The following GABRA3 variants were observed in gnomAD, a reference collection of about 807,000 sequenced individuals.
The protein encoded by GABRA3 is gamma-aminobutyric acid type A receptor subunit alpha3.
GABRA3 carries 10 observed loss-of-function variants against 30.1 expected under a neutral mutation model. The ratio of observed to expected loss-of-function variants is 0.33; its 90% confidence interval spans 0.20 to 0.56. The LOEUF (loss-of-function observed/expected upper bound fraction) is 0.56, where lower values mean the gene tolerates loss of function less well. Ranked by LOEUF, GABRA3 falls within the 20% of genes least tolerant of loss-of-function variation. GABRA3 has a pLI of 0.89. For synonymous variants in GABRA3, 151 were observed against 146.8 expected (o/e 1.03, Z -0.21); for missense variants, 233 against 392.0 (o/e 0.59, Z 3.42).
chrX:152,445,057 T>A, intron 1 of GABRA3, among the ~76,000 whole-genome samples: 1 of 34,580 alleles, frequency 2.9e-5, no homozygotes, highest in African/African-American at 1.9e-4. Flanking sequence ...TGAGACTCCG[T>A]CTCAAAAAAA....
rs1265375038 is a variant in GABRA3, at chrX:152,368,707, T to C, written c.-26-4111A>G. 7.3e-5 allele frequency among the ~76,000 whole-genome samples: 6 copies of C among 81,696 alleles called. No homozygotes were observed. The East Asian group carries it at 1.1e-3, about 15-fold the overall frequency. 70.9% of individuals were successfully genotyped at this position (81,696 alleles called of 115,157 possible). Reference sequence around the variant, plus strand: ...TCTATTTTTAATTTTTTTTCTTTTTTTTTTTTTTTTTTTTTTGAGACAGAG... The same window carrying C: ...TCTATTTTTAATTTTTTTTCTTTTTCTTTTTTTTTTTTTTTTGAGACAGAG... On this transcript the variant is annotated intron_variant, in intron 1 of 9. Coordinates refer to ENST00000370314, the MANE Select transcript of GABRA3 (RefSeq NM_000808.4).
chrX:152,306,134 T>C (rs1033431028), intron 3 of GABRA3, among the ~76,000 whole-genome samples: 3 of 112,187 alleles, frequency 2.7e-5, no homozygotes, highest in African/African-American at 9.7e-5. Flanking sequence ...CTGGTACTAT[T>C]TCACAGCTAT....
At chrX:152,414,914 C>G (rs1052921021) in intron 1 of GABRA3, among the ~76,000 whole-genome samples, 1 of 106,042 alleles carries the variant, frequency 9.4e-6, no homozygotes, top group East Asian at 2.9e-4. Context: ...GTGAAAGAAG[C>G]CAATCAGAAA....
chrX:152,401,133 G>A (rs1436316902), intron 1 of GABRA3, among the ~76,000 whole-genome samples: 1 of 111,057 alleles, frequency 9.0e-6, no homozygotes, highest in Non-Finnish European at 1.9e-5. Context: ...GATATAAAAC[G>A]TGTGTTTTTT....
intron 1 of GABRA3, among the ~76,000 whole-genome samples, chrX:152,422,161 A>T: frequency 9.0e-6 from 1 of 111,687 alleles, no homozygotes; most frequent in Non-Finnish European, 1.9e-5. Context: ...GTCCATCAAC[A>T]GTAGGAGGGA....
chrX:152,390,062 A>T (rs1929435997), intron 1 of GABRA3, among the ~76,000 whole-genome samples: 1 of 111,940 alleles, frequency 8.9e-6, no homozygotes, highest in Non-Finnish European at 1.9e-5. Context: ...ACAACACAGT[A>T]TATATTTAAA....
chrX:152,294,654 C>A (rs1461801299), intron 3 of GABRA3, among the ~76,000 whole-genome samples: 8 of 111,540 alleles, frequency 7.2e-5, no homozygotes, highest in Non-Finnish European at 1.5e-4. Flanking sequence ...CATTCTCCAT[C>A]CAGCTTTGTT....
At chrX:152,418,190 T>C (rs1930283821) in intron 1 of GABRA3, among the ~76,000 whole-genome samples, 1 of 111,196 alleles carries the variant, frequency 9.0e-6, no homozygotes, top group African/African-American at 3.3e-5. Flanking sequence ...AAACTTAACC[T>C]AAATGACATA....
chrX:152,443,154 A>T (rs10482215), intron 1 of GABRA3, among the ~76,000 whole-genome samples: 20,871 of 111,234 alleles, frequency 0.19, 1,478 homozygotes, highest in East Asian at 0.38. Flanking sequence ...ATACAAATTT[A>T]AAAAAATGTA....
intron 4 of GABRA3, among the ~76,000 whole-genome samples, chrX:152,274,230 AC>A (rs1938999916): frequency 8.9e-6 from 1 of 111,772 alleles, no homozygotes. Flanking sequence ...AAATCAACAA[AC>A]CTTTAGACTC....
At chrX:152,241,557 T>G (rs1342762729) in intron 5 of GABRA3, among the ~76,000 whole-genome samples, 3 of 108,958 alleles carry the variant, frequency 2.8e-5, no homozygotes, top group African/African-American at 9.9e-5. Flanking sequence ...CCGGCTGCTT[T>G]GTTTACCTAA....
rs989340509 is a variant in GABRA3 at position 152,182,879 on chromosome X, GTA to G, written c.1143+6849_1143+6850del. Among the ~76,000 whole-genome samples the G allele has an allele frequency of 1.2e-3, 111 of 94,590 alleles. 3 individuals carry two copies. Among genetic ancestry groups the G allele is most frequent in the Non-Finnish European group, 1.2e-3 (58 of 48,155 alleles). 82.1% of individuals were successfully genotyped at this position (94,590 alleles called of 115,157 possible). On this transcript the variant is annotated intron_variant, in intron 9 of 9. Transcript: ENST00000370314. The stretch of plus-strand genomic sequence containing the variant: ...TATATACTATAGTACTATATATAGT[GTA>G]TATATATATAGTGTATACATATATA...
At chrX:152,396,071 G>A (rs1432991111) in intron 1 of GABRA3, among the ~76,000 whole-genome samples, 3 of 112,031 alleles carry the variant, frequency 2.7e-5, no homozygotes, top group Non-Finnish European at 5.6e-5. Flanking sequence ...ATGTAATCAA[G>A]TTAAGATGCC....
chrX:152,408,735 C>T (rs1373739599), intron 1 of GABRA3, among the ~76,000 whole-genome samples: 3 of 105,587 alleles, frequency 2.8e-5, no homozygotes, highest in Non-Finnish European at 5.8e-5. Context: ...GAACCACAAC[C>T]ACCAAGGACC....
chrX:152,331,706 G>A (rs7885782), intron 3 of GABRA3, among the ~76,000 whole-genome samples: 9 of 110,665 alleles, frequency 8.1e-5, no homozygotes, highest in African/African-American at 3.0e-4. Context: ...CTTATTTACA[G>A]GTCAACAAGT....
At chrX:152,443,499 A>G (rs1486291084) in intron 1 of GABRA3, among the ~76,000 whole-genome samples, 1 of 111,880 alleles carries the variant, frequency 8.9e-6, no homozygotes, top group East Asian at 2.8e-4. Context: ...TTCAACAAAT[A>G]TTTAGTAAGT....
chrX:152,356,798 G>A (rs1940556504), intron 2 of GABRA3, among the ~76,000 whole-genome samples: 1 of 111,525 alleles, frequency 9.0e-6, no homozygotes, highest in African/African-American at 3.3e-5. Flanking sequence ...TTGTGTCCAT[G>A]TGTACTCAAT....
intron 3 of GABRA3, among the ~76,000 whole-genome samples, chrX:152,336,332 C>T (rs955169041): frequency 1.8e-5 from 2 of 111,610 alleles, no homozygotes; most frequent in Non-Finnish European, 3.8e-5. Flanking sequence ...TCCACTTCTC[C>T]GTATCACTCC....
chrX:152,234,652 G>T (rs1452628400), intron 5 of GABRA3, among the ~76,000 whole-genome samples: 1 of 111,123 alleles, frequency 9.0e-6, no homozygotes, highest in Non-Finnish European at 1.9e-5. Flanking sequence ...TTTGTATATG[G>T]TAAAAGATAG....
Sources: gnomAD v4.1 joint callset for allele counts (sites outside exome capture counted in the v4.1 genomes callset) on GRCh38, gnomAD v4.1.1 for gene constraint, MANE v1.5 for transcripts, NCBI Gene and HGNC (gene_info 2026-07-23, HGNC 2026-07-21) for gene names.